YAP1: variants seen among roughly 807,000 people sequenced by gnomAD.
YAP1 encodes the protein transcriptional coactivator YAP1.
In YAP1, 5 loss-of-function variants were observed where a neutral mutation model predicts 56.9. The ratio of observed to expected loss-of-function variants is 0.09; its 90% CI spans 0.05 to 0.18. The LOEUF is 0.18. Among genes scored for constraint, YAP1 ranks in the 10% least tolerant of loss-of-function variants. YAP1 has a pLI of 1.00. For synonymous variants in YAP1, 265 were observed against 248.1 expected, an observed-to-expected ratio of 1.07 and a Z score of -0.64; for missense variants, 539 against 651.8, an observed-to-expected ratio of 0.83 and a Z score of 1.88.
intron 6 of YAP1, among the ~76,000 whole-genome samples, chr11:102,215,852 A>G (rs927223490): frequency 3.9e-5 from 6 of 152,206 alleles, no homozygotes; most frequent in Non-Finnish European, 7.3e-5. Context: ...TAGTGTTGCT[A>G]TTTAAGGGAA....
intron 3 of YAP1, among the ~76,000 whole-genome samples, chr11:102,182,231 TAACA>T (rs1414893284): frequency 3.3e-5 from 5 of 152,332 alleles, no homozygotes; most frequent in African/African-American, 9.6e-5. Context: ...ACATGTGTTT[TAACA>T]AACCTTCCAG....
intron 2 of YAP1, among the ~76,000 whole-genome samples, chr11:102,130,544 A>G (rs1176983983): frequency 6.6e-6 from 1 of 151,838 alleles, no homozygotes; most frequent in Non-Finnish European, 1.5e-5. Context: ...CTGGGACTAC[A>G]AGAATGTGCC....
At chr11:102,214,083 A>G (rs747883196) in intron 6 of YAP1, among the ~76,000 whole-genome samples, 1 of 152,238 alleles carries the variant, frequency 6.6e-6, no homozygotes, top group African/African-American at 2.4e-5. Flanking sequence ...CCTCAAAAAA[A>G]GAAAATTAGA....
At chr11:102,122,722 C>T (rs1382495545) in intron 2 of YAP1, among the ~76,000 whole-genome samples, 4 of 151,740 alleles carry the variant, frequency 2.6e-5, no homozygotes, top group Non-Finnish European at 4.4e-5. Context: ...GGTGAAACCC[C>T]ATCTCTACTA....
At chr11:102,134,907 T>C (rs1944583959) in intron 2 of YAP1, among the ~76,000 whole-genome samples, 1 of 151,932 alleles carries the variant, frequency 6.6e-6, no homozygotes, top group Non-Finnish European at 1.5e-5. Flanking sequence ...AGATGGAGTT[T>C]CACTATTTTT....
intron 3 of YAP1, among the ~76,000 whole-genome samples, chr11:102,166,255 T>C (rs1212130965): frequency 3.3e-5 from 5 of 152,234 alleles, no homozygotes; most frequent in Admixed American, 6.5e-5. Context: ...CTGAGGGTAC[T>C]GATAATATCT....
chr11:102,206,065 G>C lies in YAP1; in HGVS notation c.975G>C (p.Leu325=), dbSNP rs889961684. The change falls in exon 5 of 9, where the codon CTG becomes CTC. Residue 325 remains leucine, a synonymous_variant. Coordinates refer to ENST00000282441, the MANE Select transcript of YAP1 (RefSeq NM_001130145.3). ...GGCTGCGGCTGAAACAGCAAGAACT[G>C]CTTCGGCAGGTGAGGCCACAGGTTA... The part of the protein sequence containing the change: ...KERLRLKQQE[L]LRQAMRNINP... The C allele has an allele frequency of 6.2e-7, 1 of 1,613,084 alleles. No individual in the cohort carries two copies. The highest frequency in any genetic ancestry group is 8.5e-7 in the Non-Finnish European group (1 of 1,179,330).
chr11:102,119,997 A>G (rs1943552025), intron 2 of YAP1, among the ~76,000 whole-genome samples: 2 of 152,224 alleles, frequency 1.3e-5, no homozygotes, highest in African/African-American at 4.8e-5. Context: ...GTAGCATTGT[A>G]TAAAGGGAGG....
chr11:102,120,739 A>T lies in YAP1; in HGVS notation c.572+6345A>T, dbSNP rs1408577494. ...ATTTGGCCAGTAAGTATGTTTAGAGAGTTGATACTTGCATGAAAATTGCTG... is the reference window on the plus strand; with the variant it reads ...ATTTGGCCAGTAAGTATGTTTAGAGTGTTGATACTTGCATGAAAATTGCTG... On this transcript the variant is annotated intron_variant, in intron 2 of 8. Coordinates refer to ENST00000282441, the MANE Select transcript of YAP1 (RefSeq NM_001130145.3). Among the ~76,000 whole-genome samples the T allele has an allele frequency of 3.3e-5, 5 of 152,170 alleles. No homozygotes were observed. The East Asian group carries it at 7.7e-4, about 23-fold the overall frequency.
At chr11:102,115,039 A>AAAACAAAAAC (rs1308000574) in intron 2 of YAP1, among the ~76,000 whole-genome samples, 1 of 152,248 alleles carries the variant, frequency 6.6e-6, no homozygotes, top group African/African-American at 2.4e-5. Context: ...CCTCTCTGGG[A>AAAACAAAAAC]AAACAAAAAC....
At chr11:102,216,216 T>C (rs1262577572) in intron 6 of YAP1, among the ~76,000 whole-genome samples, 1 of 152,228 alleles carries the variant, frequency 6.6e-6, no homozygotes, top group Non-Finnish European at 1.5e-5. Flanking sequence ...GAGTAAGTTT[T>C]ATAATTCCTT....
chr11:102,196,936 T>C (rs995342682), intron 4 of YAP1, among the ~76,000 whole-genome samples: 3 of 152,206 alleles, frequency 2.0e-5, no homozygotes, highest in African/African-American at 7.2e-5. Context: ...ACTGAAAAAC[T>C]ACATTTTATG....
At chr11:102,144,857 C>T (rs1945230958) in intron 2 of YAP1, among the ~76,000 whole-genome samples, 1 of 95,906 alleles carries the variant, frequency 1.0e-5, no homozygotes, top group South Asian at 5.4e-4. Context: ...TTGGCCAAAA[C>T]ACACACACAC....
At chr11:102,209,489 T>C in intron 5 of YAP1, 28 bp from the exon 6 acceptor site, 1 of 1,599,246 alleles carries the variant, frequency 6.3e-7, no homozygotes, top group Non-Finnish European at 8.5e-7. Flanking sequence ...TTAAAGTAAT[T>C]TTTATCCGTC....
chr11:102,202,985 CA>C (rs1665686425), intron 4 of YAP1, among the ~76,000 whole-genome samples: 1 of 152,096 alleles, frequency 6.6e-6, no homozygotes, highest in Non-Finnish European at 1.5e-5. Flanking sequence ...GAGCAAAGTC[CA>C]GGTTGTAGAA....
chr11:102,159,118 CT>C (rs1946121614), intron 2 of YAP1, among the ~76,000 whole-genome samples: 1 of 152,168 alleles, frequency 6.6e-6, no homozygotes, highest in East Asian at 1.9e-4. Context: ...TCCCCTTCCC[CT>C]AGGAGCCAAT....
intron 2 of YAP1, among the ~76,000 whole-genome samples, chr11:102,161,381 C>A (rs1946278765): frequency 6.6e-6 from 1 of 150,892 alleles, no homozygotes; most frequent in South Asian, 2.1e-4. Flanking sequence ...CACACACACA[C>A]ACACACTAAA....
intron 4 of YAP1, among the ~76,000 whole-genome samples, chr11:102,190,264 A>C (rs1489425507): frequency 6.6e-6 from 1 of 152,118 alleles, no homozygotes; most frequent in Non-Finnish European, 1.5e-5. Flanking sequence ...TTGGTTATGG[A>C]CTACATTAAT....
At chr11:102,185,457 A>G (rs930788647) in intron 3 of YAP1, among the ~76,000 whole-genome samples, 6 of 152,160 alleles carry the variant, frequency 3.9e-5, no homozygotes, top group African/African-American at 1.4e-4. Flanking sequence ...CTGCTGAAAA[A>G]TAAGCTTTGT....
Sources: allele counts gnomAD v4.1 joint callset (sites outside exome capture counted in the v4.1 genomes callset), GRCh38; gene constraint gnomAD v4.1.1; transcripts MANE v1.5; gene names NCBI Gene and HGNC (gene_info 2026-07-23, HGNC 2026-07-21).